The following SOCS5 variants were observed in gnomAD, a reference collection of about 807,000 sequenced individuals.
SOCS5 encodes the protein CIS-6.
A neutral mutation model predicts 42.8 loss-of-function variants in SOCS5; 32 were observed. The ratio of observed to expected loss-of-function variants is 0.75; its 90% CI spans 0.56 to 1.01. SOCS5 has a LOEUF of 1.01. Among genes scored for constraint, SOCS5 ranks in the 50% least tolerant of loss-of-function variants. The pLI is 0.00. For synonymous variants in SOCS5, 283 were observed against 229.6 expected (o/e 1.23, Z -2.10); for missense variants, 627 against 653.0 (o/e 0.96, Z 0.43).
At chr2:46,736,934 A>G (rs1419659197) in intron 1 of SOCS5, among the ~76,000 whole-genome samples, 2 of 151,910 alleles carry the variant, frequency 1.3e-5, no homozygotes, top group African/African-American at 2.4e-5. Context: ...TCCTTTGAGC[A>G]TTATGTAGGC....
intron 1 of SOCS5, among the ~76,000 whole-genome samples, chr2:46,740,910 C>A (rs1011015743): frequency 2.0e-5 from 3 of 152,140 alleles, no homozygotes; most frequent in African/African-American, 7.2e-5. Flanking sequence ...GCCATACACA[C>A]CCACATTTGA....
intron 1 of SOCS5, among the ~76,000 whole-genome samples, chr2:46,715,411 A>C (rs975970970): frequency 6.6e-6 from 1 of 151,764 alleles, no homozygotes; most frequent in African/African-American, 2.4e-5. Flanking sequence ...AAATGTCTTT[A>C]ATATTTACCT....
chr2:46,704,213 G>A (rs1672409746), intron 1 of SOCS5, among the ~76,000 whole-genome samples: 1 of 152,070 alleles, frequency 6.6e-6, no homozygotes, highest in African/African-American at 2.4e-5. Context: ...ATGTGCTCTG[G>A]GATTGTCTTT....
At chr2:46,737,784 A>T (rs892336695) in intron 1 of SOCS5, among the ~76,000 whole-genome samples, 13 of 152,146 alleles carry the variant, frequency 8.5e-5, no homozygotes, top group African/African-American at 3.1e-4. Flanking sequence ...TGATATAATC[A>T]GTTACCTGAG....
intron 1 of SOCS5, among the ~76,000 whole-genome samples, chr2:46,717,498 A>G (rs1672774670): frequency 6.6e-6 from 1 of 151,892 alleles, no homozygotes; most frequent in African/African-American, 2.4e-5. Flanking sequence ...AAGGATATTC[A>G]TGCCAGATAA....
At chr2:46,738,087 A>G (rs1673293027) in intron 1 of SOCS5, among the ~76,000 whole-genome samples, 1 of 152,200 alleles carries the variant, frequency 6.6e-6, no homozygotes, top group Non-Finnish European at 1.5e-5. Flanking sequence ...TAAAATTAGA[A>G]TTGAATGGTA....
At chr2:46,730,024 A>G (rs1673081243) in intron 1 of SOCS5, among the ~76,000 whole-genome samples, 2 of 152,140 alleles carry the variant, frequency 1.3e-5, no homozygotes, top group South Asian at 4.1e-4. Flanking sequence ...CTGAGCATAC[A>G]CTTGGTTAGG....
chr2:46,743,715 T>C (rs1161339651), intron 1 of SOCS5, among the ~76,000 whole-genome samples: 1 of 152,166 alleles, frequency 6.6e-6, no homozygotes, highest in East Asian at 1.9e-4. Flanking sequence ...GGCAAACATA[T>C]GTATACTTGA....
At chr2:46,757,291 C>G (rs1259972701) in intron 1 of SOCS5, among the ~76,000 whole-genome samples, 1 of 152,170 alleles carries the variant, frequency 6.6e-6, no homozygotes, top group Admixed American at 6.5e-5. Flanking sequence ...CATAATGTGA[C>G]AAAACCAATT....
chr2:46,719,207 G>A (rs935726986), intron 1 of SOCS5, among the ~76,000 whole-genome samples: 1 of 152,128 alleles, frequency 6.6e-6, no homozygotes, highest in African/African-American at 2.4e-5. Flanking sequence ...TCACAATATA[G>A]TGAATGATAA....
chr2:46,745,203 C>T (rs965977722), intron 1 of SOCS5, among the ~76,000 whole-genome samples: 2 of 152,084 alleles, frequency 1.3e-5, no homozygotes, highest in African/African-American at 4.8e-5. Flanking sequence ...CTTTAAACTA[C>T]CAGTTCATCT....
rs1390682477 is a variant in SOCS5, at chr2:46,760,727, G to T, written c.*586G>T. On this transcript the variant is annotated 3_prime_UTR_variant, in exon 2 of 2. Transcript: ENST00000394861. ...CCTTTTCTCTTCTGCAAAAGGTACT[G>T]TTAAGTAAACCAGATTTTCTAAATA... 1 of 167,036 alleles carries T rather than the reference G, an allele frequency of 6.0e-6. No individual in the cohort carries two copies. The highest frequency in any genetic ancestry group is 1.5e-5 in the Non-Finnish European group (1 of 68,144). 10.3% of individuals were successfully genotyped at this position (167,036 alleles called of 1,614,324 possible). A position where few individuals can be genotyped will look rare whatever the true frequency, so the allele number is the denominator to read the frequency against.
At chr2:46,718,754 G>A (rs56006635) in intron 1 of SOCS5, among the ~76,000 whole-genome samples, 7,147 of 152,176 alleles carry the variant, frequency 0.047, 251 homozygotes, top group Non-Finnish European at 0.078. Flanking sequence ...AGAAAAAGCC[G>A]AAGAGCTTAG....
At chr2:46,712,509 A>G (rs1043945542) in intron 1 of SOCS5, among the ~76,000 whole-genome samples, 1 of 152,012 alleles carries the variant, frequency 6.6e-6, no homozygotes, top group African/African-American at 2.4e-5. Context: ...ACGCCCAGAT[A>G]ATTTTTGTAT....
At chr2:46,704,018 GA>G (rs1337873569) in intron 1 of SOCS5, among the ~76,000 whole-genome samples, 3 of 152,128 alleles carry the variant, frequency 2.0e-5, no homozygotes, top group African/African-American at 7.2e-5. Flanking sequence ...ATTTCAGAGA[GA>G]CCATACTGTA....
In SOCS5 at chr2:46,699,768, C is replaced by T. The variant is rs559528989; in HGVS notation, c.-13+319C>T. Reference sequence around the variant, plus strand: ...GTGGGGTTCCTAAGGGGAAGGGGGTCGTCCGGGGCCAGTAGGAGGGCATCC... The same window carrying T: ...GTGGGGTTCCTAAGGGGAAGGGGGTTGTCCGGGGCCAGTAGGAGGGCATCC... On this transcript the variant is annotated intron_variant, in intron 1 of 1. Transcript: ENST00000394861. This position sits in a 1 kb window ranked among gnomAD's most constrained non-coding sequence, Gnocchi z 4.8. Among the ~76,000 whole-genome samples, 30 of 152,006 alleles carry T rather than the reference C, an allele frequency of 2.0e-4. No homozygotes were observed. The highest frequency in any genetic ancestry group is 6.5e-4 in the African/African-American group (27 of 41,468).
intron 1 of SOCS5, among the ~76,000 whole-genome samples, chr2:46,734,729 G>GTCTTCCAGCTGAGCCATTTGGT (rs1673205897): frequency 6.6e-6 from 1 of 151,524 alleles, no homozygotes; most frequent in African/African-American, 2.4e-5. Flanking sequence ...TGCTTTGATT[G>GTCTTCCAGCTGAGCCATTTGGT]TCTTCCAGCT....
intron 1 of SOCS5, among the ~76,000 whole-genome samples, chr2:46,701,267 CCTT>C (rs1672338390): frequency 6.6e-6 from 1 of 152,116 alleles, no homozygotes; most frequent in African/African-American, 2.4e-5. Context: ...GCTGTTTTCT[CCTT>C]TTGTAGAACT....
intron 1 of SOCS5, among the ~76,000 whole-genome samples, chr2:46,736,552 C>T (rs1673250481): frequency 6.6e-6 from 1 of 152,176 alleles, no homozygotes; most frequent in South Asian, 2.1e-4. Context: ...ACTCTAGGAA[C>T]CTCATGAGAA....
Sources: allele counts gnomAD v4.1 joint callset (sites outside exome capture counted in the v4.1 genomes callset), GRCh38; gene constraint gnomAD v4.1.1; non-coding constraint Gnocchi (gnomAD v3.1); transcripts MANE v1.5; gene names NCBI Gene and HGNC (gene_info 2026-07-23, HGNC 2026-07-21).